The following AGBL4 variants were observed in gnomAD, a reference collection of about 807,000 sequenced individuals.
AGBL4 encodes AGBL carboxypeptidase 4.
In AGBL4, 58 loss-of-function variants were observed where a neutral mutation model predicts 66.4. That is an observed-to-expected ratio of 0.87 (90% CI 0.71 to 1.09). The LOEUF (loss-of-function observed/expected upper bound fraction) is 1.09, where lower values mean the gene tolerates loss of function less well. Among genes scored for constraint, AGBL4 ranks in the 50% least tolerant of loss-of-function variants. AGBL4 has a pLI of 0.00. For missense variants in AGBL4, 579 were observed against 631.0 expected, an observed-to-expected ratio of 0.92 and a Z score of 0.88; for synonymous variants, 234 against 222.9, an observed-to-expected ratio of 1.05 and a Z score of -0.44.
At chr1:48,522,769 T>C in the AGBL4 span, among the ~76,000 whole-genome samples, 4 of 151,974 alleles carry the variant, frequency 2.6e-5, no homozygotes, top group African/African-American at 4.8e-5. Context: ...TTCACTACCA[T>C]ACAAAAATTA....
intron 6 of AGBL4, among the ~76,000 whole-genome samples, chr1:48,850,903 A>G (rs1047077365): frequency 6.6e-6 from 1 of 152,228 alleles, no homozygotes; most frequent in African/African-American, 2.4e-5. Flanking sequence ...TCAAACTCTG[A>G]CTTTTCCACC....
intron 2 of AGBL4, among the ~76,000 whole-genome samples, chr1:49,817,895 C>T (rs886179535): frequency 1.3e-5 from 2 of 151,976 alleles, no homozygotes; most frequent in Non-Finnish European, 1.5e-5. Flanking sequence ...ATGCTTTTTC[C>T]GGGTTTGAGA....
chr1:49,037,346 T>A (rs1355541464), intron 5 of AGBL4, among the ~76,000 whole-genome samples: 1 of 152,040 alleles, frequency 6.6e-6, no homozygotes, highest in Non-Finnish European at 1.5e-5. Flanking sequence ...AGCGTCTTCT[T>A]ATCAGGAAGG....
chr1:49,795,753 A>C (rs576662048), intron 2 of AGBL4, among the ~76,000 whole-genome samples: 1 of 152,136 alleles, frequency 6.6e-6, no homozygotes, highest in African/African-American at 2.4e-5. Context: ...AGCTATTCAG[A>C]AAAATTTAAG....
At chr1:49,838,663 G>A (rs2148034339) in intron 2 of AGBL4, among the ~76,000 whole-genome samples, 1 of 152,196 alleles carries the variant, frequency 6.6e-6, no homozygotes, top group Admixed American at 6.5e-5. Context: ...TAACATTCTA[G>A]TTTGCTAGTT....
chr1:49,565,557 G>T lies in AGBL4; in HGVS notation c.282+131756C>A, dbSNP rs1254663026. ...GTAAAGGATTTTATTTCTCCTTCAT[G>T]TATGAAGCTTAGTTTGGCTGGATAT... On this transcript the variant is annotated intron_variant, in intron 3 of 13. Coordinates refer to ENST00000371839, the MANE Select transcript of AGBL4 (RefSeq NM_032785.4). Among the ~76,000 whole-genome samples, 7 of 152,172 alleles carry T rather than the reference G, an allele frequency of 4.6e-5. No homozygotes were observed. In the East Asian group the frequency reaches 9.7e-4, roughly 21 times the overall value.
intron 3 of AGBL4, among the ~76,000 whole-genome samples, chr1:49,507,104 T>C (rs914441995): frequency 2.6e-5 from 4 of 152,058 alleles, no homozygotes; most frequent in African/African-American, 9.7e-5. Flanking sequence ...TAAACCACCC[T>C]GTAAAAAGTC....
chr1:48,627,448 G>A (rs946160286), intron 9 of AGBL4, among the ~76,000 whole-genome samples: 3 of 152,058 alleles, frequency 2.0e-5, no homozygotes, highest in Non-Finnish European at 4.4e-5. Flanking sequence ...GGGTTGGTGT[G>A]AATGAGTGCT....
chr1:48,998,018 C>T (rs991182783), intron 5 of AGBL4, among the ~76,000 whole-genome samples: 1 of 152,124 alleles, frequency 6.6e-6, no homozygotes, highest in Non-Finnish European at 1.5e-5. Context: ...ATTCCAAAAA[C>T]AGAAAGAACC....
chr1:49,457,085 T>C (rs1160864047), intron 3 of AGBL4, among the ~76,000 whole-genome samples: 1 of 151,854 alleles, frequency 6.6e-6, no homozygotes. Flanking sequence ...TCTGGGTAGA[T>C]ACCTAGTAGT....
At chr1:49,531,652 A>G (rs1447742188) in intron 3 of AGBL4, among the ~76,000 whole-genome samples, 2 of 152,152 alleles carry the variant, frequency 1.3e-5, no homozygotes, top group African/African-American at 2.4e-5. Context: ...CCTGTGATGT[A>G]GTTATTATTA....
chr1:49,997,375 A>T (rs1331868866), intron 1 of AGBL4, among the ~76,000 whole-genome samples: 1 of 152,182 alleles, frequency 6.6e-6, no homozygotes, highest in Non-Finnish European at 1.5e-5. Flanking sequence ...TATTCCTTGC[A>T]AATGGACACC....
intron 1 of AGBL4, among the ~76,000 whole-genome samples, chr1:50,022,389 C>T (rs1350810851): frequency 1.3e-5 from 2 of 152,080 alleles, no homozygotes; most frequent in Non-Finnish European, 2.9e-5. Flanking sequence ...ATAGTTAGCA[C>T]TCGATATTTG....
chr1:49,891,750 T>C (rs1463318083), intron 1 of AGBL4, among the ~76,000 whole-genome samples: 2 of 152,048 alleles, frequency 1.3e-5, no homozygotes, highest in African/African-American at 2.4e-5. Flanking sequence ...GACAAGAACA[T>C]AGAATATGAA....
intron 1 of AGBL4, among the ~76,000 whole-genome samples, chr1:49,884,152 C>A (rs1647752500): frequency 6.6e-6 from 1 of 151,896 alleles, no homozygotes; most frequent in African/African-American, 2.4e-5. Flanking sequence ...TCAGCAAAGG[C>A]AGCATGAATT....
At chr1:49,742,689 G>A (rs985471439) in intron 2 of AGBL4, among the ~76,000 whole-genome samples, 2 of 152,132 alleles carry the variant, frequency 1.3e-5, no homozygotes, top group Admixed American at 1.3e-4. Flanking sequence ...GCATGGTACT[G>A]GTACCAAAAC....
At chr1:49,058,451 C>T (rs1019840020) in intron 4 of AGBL4, among the ~76,000 whole-genome samples, 1 of 152,218 alleles carries the variant, frequency 6.6e-6, no homozygotes, top group Non-Finnish European at 1.5e-5. Flanking sequence ...TTTGCTTCCC[C>T]TTCAGCTATG....
chr1:48,973,042 G>C (rs1317225377), intron 5 of AGBL4, among the ~76,000 whole-genome samples: 1 of 152,126 alleles, frequency 6.6e-6, no homozygotes, highest in African/African-American at 2.4e-5. Flanking sequence ...GTAGTGTGTA[G>C]TGTGTGCAAG....
chr1:49,133,917 A>G (rs894534088), intron 4 of AGBL4, among the ~76,000 whole-genome samples: 2 of 152,068 alleles, frequency 1.3e-5, no homozygotes, highest in African/African-American at 2.4e-5. Flanking sequence ...ATATATGTGT[A>G]TATTCTAATA....
Sources: gnomAD v4.1 joint callset for allele counts (sites outside exome capture counted in the v4.1 genomes callset) on GRCh38, gnomAD v4.1.1 for gene constraint, MANE v1.5 for transcripts, NCBI Gene and HGNC (gene_info 2026-07-23, HGNC 2026-07-21) for gene names.